The following LARP6 variants were observed in gnomAD, a reference collection of about 807,000 sequenced individuals.
LARP6 encodes La ribonucleoprotein 6, translational regulator, also known as la-related protein 6.
LARP6 carries 18 observed loss-of-function variants against 32.8 expected under a neutral mutation model. The ratio of observed to expected loss-of-function variants is 0.55; its 90% CI spans 0.38 to 0.81. The LOEUF is 0.81. Among genes scored for constraint, LARP6 ranks in the 40% least tolerant of loss-of-function variants. The probability of loss-of-function intolerance (pLI) is 0.00; values close to 1 mark genes in which losing one functional copy is unlikely to be tolerated. For missense variants in LARP6, 598 were observed against 663.1 expected (o/e 0.90, Z 1.08); for synonymous variants, 289 against 267.2 (o/e 1.08, Z -0.80).
Position 70,831,045 on chromosome 15 carries a change from G to A in LARP6, c.*1007C>T, listed in dbSNP as rs192646372. The A allele has an allele frequency of 1.5e-4, 23 of 152,328 alleles. No homozygotes were observed. The East Asian group carries it at 4.0e-3, about 27-fold the overall frequency. 9.4% of individuals were successfully genotyped at this position (152,328 alleles called of 1,614,324 possible). A position where few individuals can be genotyped will look rare whatever the true frequency, so the allele number is the denominator to read the frequency against. ...GTCCTGCAGCCTTTGTCCATCCAGTGGTTCTCCAGCGTGCATCAGAATCAC... is the reference window on the plus strand; with the variant it reads ...GTCCTGCAGCCTTTGTCCATCCAGTAGTTCTCCAGCGTGCATCAGAATCAC... On this transcript the variant is annotated 3_prime_UTR_variant, in exon 3 of 3. Coordinates refer to ENST00000299213, the MANE Select transcript of LARP6 (RefSeq NM_018357.4).
intron 1 of LARP6, among the ~76,000 whole-genome samples, chr15:70,851,018 A>C (rs1183003951): frequency 2.6e-5 from 4 of 152,340 alleles, no homozygotes; most frequent in African/African-American, 9.6e-5. Flanking sequence ...GGGAAAAAAG[A>C]AACAGCTGTA....
intron 1 of LARP6, chr15:70,849,511 T>C (rs2032409783): frequency 6.6e-6 from 1 of 152,200 alleles, no homozygotes; most frequent in Non-Finnish European, 1.5e-5. Flanking sequence ...TTACTGGTAT[T>C]TGAAAAAAGC....
At chr15:70,851,252 C>A (rs1184452456) in intron 1 of LARP6, among the ~76,000 whole-genome samples, 1 of 152,110 alleles carries the variant, frequency 6.6e-6, no homozygotes, top group Non-Finnish European at 1.5e-5. Context: ...CATTGTATAT[C>A]CATTCACCAA....
At chr15:70,836,229 T>C in intron 2 of LARP6, 66 bp downstream of exon 2, 2 of 1,374,068 alleles carry the variant, frequency 1.5e-6, no homozygotes. Context: ...TTAAAAAAAA[T>C]GTTTAAAACC....
At chr15:70,833,547 TG>T (rs1290383710) in intron 2 of LARP6, among the ~76,000 whole-genome samples, 1 of 152,202 alleles carries the variant, frequency 6.6e-6, no homozygotes, top group African/African-American at 2.4e-5. Flanking sequence ...CTCAAAGAGC[TG>T]TCCTGAGGAT....
intron 1 of LARP6, among the ~76,000 whole-genome samples, chr15:70,839,184 A>G (rs1002581170): frequency 2.0e-5 from 3 of 152,172 alleles, no homozygotes; most frequent in Non-Finnish European, 4.4e-5. Flanking sequence ...TCACACCTAT[A>G]ACCCAGCACT....
At chr15:70,850,921 GAA>G (rs977375857) in intron 1 of LARP6, among the ~76,000 whole-genome samples, 1 of 151,698 alleles carries the variant, frequency 6.6e-6, no homozygotes, top group Non-Finnish European at 1.5e-5. Context: ...AAGCATTAGG[GAA>G]AAAAAATGGT....
In LARP6 at chr15:70,832,077, T is replaced by C. The variant is rs779582644; in HGVS notation, c.1451A>G (p.His484Arg). Reference protein sequence around the residue: ...GPDNTRGFHGHERSRACV With the variant: ...GPDNTRGFHGRERSRACV ...TTATACACAGGCCCTGCTCCTCTCA[T>C]GGCCATGAAATCCTCTGGTGTTGTC... The change falls in exon 3 of 3, where the codon CAT (histidine) becomes CGT (arginine). Residue 484 changes from histidine (H) to arginine (R), a missense_variant. By Grantham distance (29) the His-to-Arg change is conservative. This residue lies in a region of LARP6 where 368 missense variants were observed against 397.9 expected (regional missense o/e 0.92). Coordinates refer to ENST00000299213, the MANE Select transcript of LARP6 (RefSeq NM_018357.4). 1.3e-6 allele frequency: 2 copies of C among 1,532,868 alleles called. No individual in the cohort carries two copies. The highest frequency in any genetic ancestry group is 1.4e-5 in the African/African-American group (1 of 72,204). The allele number at this position is 1,532,868 out of a possible 1,614,324, so 95.0% of individuals were successfully genotyped here.
chr15:70,853,343 T>G (rs2032536055), intron 1 of LARP6: 1 of 151,154 alleles, frequency 6.6e-6, no homozygotes, highest in African/African-American at 2.4e-5. Context: ...CCGTCTCAAA[T>G]TACCTTGAAA....
intron 1 of LARP6, among the ~76,000 whole-genome samples, chr15:70,839,132 G>A (rs1352208186): frequency 6.6e-6 from 1 of 152,090 alleles, no homozygotes; most frequent in African/African-American, 2.4e-5. Context: ...CCTTACTGAT[G>A]TCTCAAGGTA....
intron 1 of LARP6, 53 bp downstream of exon 1, chr15:70,853,836 C>T: frequency 8.4e-7 from 1 of 1,189,724 alleles, no homozygotes. Context: ...CGAACTCGCG[C>T]GCGGCCCGGC....
At chr15:70,833,143 T>C (rs771278807) in intron 2 of LARP6, 27 bp from the exon 3 acceptor site, 7 of 1,582,870 alleles carry the variant, frequency 4.4e-6, no homozygotes, top group Non-Finnish European at 6.1e-6. Context: ...AAATCTGAAA[T>C]AGTATCTAAT....
At chr15:70,846,330 C>G (rs1595955023) in intron 1 of LARP6, among the ~76,000 whole-genome samples, 1 of 152,136 alleles carries the variant, frequency 6.6e-6, no homozygotes, top group East Asian at 1.9e-4. Context: ...GGCTCCCAAC[C>G]AGGCACGGTG....
intron 1 of LARP6, among the ~76,000 whole-genome samples, chr15:70,839,133 T>C (rs1214436237): frequency 6.6e-6 from 1 of 152,172 alleles, no homozygotes; most frequent in Non-Finnish European, 1.5e-5. Context: ...CTTACTGATG[T>C]CTCAAGGTAA....
At chr15:70,840,621 C>T (rs796352705) in intron 1 of LARP6, among the ~76,000 whole-genome samples, 4 of 152,132 alleles carry the variant, frequency 2.6e-5, no homozygotes, top group African/African-American at 7.2e-5. Flanking sequence ...AGGGAATTCC[C>T]GGCCCAGCTA....
In LARP6 at chr15:70,831,972, T is replaced by C. The variant is rs1359909739; in HGVS notation, c.*80A>G. 1.0e-6 allele frequency: 1 copy of C among 978,166 alleles called. No individual in the cohort carries two copies. The highest frequency in any genetic ancestry group is 1.5e-6 in the Non-Finnish European group (1 of 674,380). 60.6% of individuals were successfully genotyped at this position (978,166 alleles called of 1,614,324 possible). ...ATCTCTCAAAGGGGAACGAATTCCA[T>C]TCTGTCATGCCAGGTGTTTGTCAGA... On this transcript the variant is annotated 3_prime_UTR_variant, in exon 3 of 3. Transcript: ENST00000299213.
chr15:70,851,453 T>C, intron 1 of LARP6: 1 of 1,283,714 alleles, frequency 7.8e-7, no homozygotes. Flanking sequence ...GACTTTTCTT[T>C]ATTGTTCATT....
intron 1 of LARP6, among the ~76,000 whole-genome samples, chr15:70,850,340 T>A (rs1200502644): frequency 6.6e-6 from 1 of 152,254 alleles, no homozygotes; most frequent in Non-Finnish European, 1.5e-5. Flanking sequence ...GAGGAGGGAA[T>A]GCTTCCAAAC....
chr15:70,830,790 G>T lies in LARP6; in HGVS notation c.*1262C>A, dbSNP rs892917327. The T allele has an allele frequency of 1.3e-5, 2 of 152,188 alleles. No homozygotes were observed. Among genetic ancestry groups the T allele is most frequent in the Non-Finnish European group, 2.9e-5 (2 of 68,040 alleles). The allele number at this position is 152,188 out of a possible 1,614,324, so 9.4% of individuals were successfully genotyped here. On this transcript the variant is annotated 3_prime_UTR_variant, in exon 3 of 3. Coordinates refer to ENST00000299213, the MANE Select transcript of LARP6 (RefSeq NM_018357.4). ...ATAGCCAGAGCATAAGCCAACACTG[G>T]AATCTAGGCCAATGCTCTTTCTGCT...
Sources: gnomAD v4.1 joint callset for allele counts (sites outside exome capture counted in the v4.1 genomes callset) on GRCh38, gnomAD v4.1.1 for gene constraint, gnomAD v4.1.1 regional missense constraint, MANE v1.5 for transcripts, NCBI Gene and HGNC (gene_info 2026-07-23, HGNC 2026-07-21) for gene names.